RAB12: variants seen among roughly 807,000 people sequenced by gnomAD.
The protein encoded by RAB12 is RAB12, member RAS oncogene family, also known as ras-related protein Rab-12.
Under a neutral mutation model 28.4 loss-of-function variants are expected in RAB12, and 11 were observed. The ratio of observed to expected loss-of-function variants is 0.39; its 90% CI spans 0.24 to 0.64. The LOEUF is 0.64. Among genes scored for constraint, RAB12 ranks in the 30% least tolerant of loss-of-function variants. RAB12 has a pLI of 0.50. For missense variants in RAB12, 276 were observed against 351.1 expected, an observed-to-expected ratio of 0.79 and a Z score of 1.71; for synonymous variants, 138 against 145.3, an observed-to-expected ratio of 0.95 and a Z score of 0.36.
chr18:8,617,486 T>G (rs2096007356), intron 1 of RAB12, among the ~76,000 whole-genome samples: 1 of 151,996 alleles, frequency 6.6e-6, no homozygotes, highest in South Asian at 2.1e-4. Flanking sequence ...CTTTAAATAT[T>G]CTCCTCCTCT....
intron 1 of RAB12, among the ~76,000 whole-genome samples, 199 bp from the exon 2 acceptor site, chr18:8,624,739 A>G (rs1446832097): frequency 6.6e-6 from 1 of 152,262 alleles, no homozygotes; most frequent in Non-Finnish European, 1.5e-5. Context: ...TGACCTTCCC[A>G]GTGTGGACTG....
chr18:8,627,858 T>C (rs1292482925), intron 2 of RAB12, among the ~76,000 whole-genome samples: 1 of 152,180 alleles, frequency 6.6e-6, no homozygotes, highest in Non-Finnish European at 1.5e-5. Context: ...AGAGGGGGAA[T>C]ATTTCATACC....
chr18:8,618,865 A>T (rs748507518), intron 1 of RAB12, among the ~76,000 whole-genome samples: 12 of 152,160 alleles, frequency 7.9e-5, no homozygotes, highest in Admixed American at 2.0e-4. Flanking sequence ...CTTCCCCGGT[A>T]GGTGGTAGAG....
At chr18:8,633,111 A>T in intron 2 of RAB12, 78 bp from the exon 3 acceptor site, 1 of 1,560,000 alleles carries the variant, frequency 6.4e-7, no homozygotes, top group Non-Finnish European at 8.8e-7. Context: ...TGCAGCATAT[A>T]ATCTATGTTT....
Position 8,638,505 on chromosome 18 carries a change from C to A in RAB12, c.*243C>A. On this transcript the variant is annotated 3_prime_UTR_variant, in exon 6 of 6. Transcript: ENST00000649141. ...TGTCTAGTGTACATACACTGGGAAA[C>A]CTAGTACTTCTAATATGAAGAATGG... The A allele has an allele frequency of 2.5e-6, 1 of 398,556 alleles. No individual in the cohort carries two copies. 24.7% of individuals were successfully genotyped at this position (398,556 alleles called of 1,614,324 possible).
intron 1 of RAB12, among the ~76,000 whole-genome samples, chr18:8,616,998 G>C (rs962596119): frequency 1.3e-5 from 2 of 152,182 alleles, no homozygotes; most frequent in African/African-American, 4.8e-5. Flanking sequence ...CTTGTGGAAA[G>C]AGATTTTGGA....
At chr18:8,616,084 T>C (rs2096006531) in intron 1 of RAB12, among the ~76,000 whole-genome samples, 1 of 152,200 alleles carries the variant, frequency 6.6e-6, no homozygotes, top group Non-Finnish European at 1.5e-5. Context: ...AAAACAGCTT[T>C]GTACAGTAGT....
chr18:8,636,457 C>A, intron 5 of RAB12, 100 bp downstream of exon 5: 2 of 740,480 alleles, frequency 2.7e-6, no homozygotes, highest in African/African-American at 1.8e-5. Flanking sequence ...AACCAAAATA[C>A]AGTAGTTGTG....
At chr18:8,613,068 C>G (rs1486999968) in intron 1 of RAB12, among the ~76,000 whole-genome samples, 1 of 152,114 alleles carries the variant, frequency 6.6e-6, no homozygotes, top group African/African-American at 2.4e-5. Flanking sequence ...TATAAATGAG[C>G]AAAATGTTGT....
chr18:8,632,809 C>T (rs321665), intron 2 of RAB12: 147,837 of 228,766 alleles, frequency 0.65, 48,789 homozygotes, highest in African/African-American at 0.79. Context: ...TGTTTGGAAA[C>T]TCTGTATTTT....
At chr18:8,633,110 T>TAATC in intron 2 of RAB12, 79 bp from the exon 3 acceptor site, 1 of 1,558,642 alleles carries the variant, frequency 6.4e-7, no homozygotes, top group East Asian at 2.2e-5. Context: ...CTGCAGCATA[T>TAATC]AATCTATGTT....
Position 8,638,330 on chromosome 18 carries a change from C to A in RAB12, c.*68C>A. 9.1e-7 allele frequency: 1 copy of A among 1,093,542 alleles called. No individual in the cohort carries two copies. Among genetic ancestry groups the A allele is most frequent in the Non-Finnish European group, 1.4e-6 (1 of 721,732 alleles). 67.7% of individuals were successfully genotyped at this position (1,093,542 alleles called of 1,614,324 possible). A position where few individuals can be genotyped will look rare whatever the true frequency, so the allele number is the denominator to read the frequency against. On this transcript the variant is annotated 3_prime_UTR_variant, in exon 6 of 6. Coordinates refer to ENST00000649141, the MANE Select transcript of RAB12 (RefSeq NM_001025300.3). Reference sequence around the variant, plus strand: ...GGAAAAAACGTTCTATTCTGCACTACAATCATTTTGACAATTTCCTTTCGC... The same window carrying A: ...GGAAAAAACGTTCTATTCTGCACTAAAATCATTTTGACAATTTCCTTTCGC...
In RAB12 at chr18:8,639,246, C is replaced by T. The variant is rs2096021069; in HGVS notation, c.*984C>T. The T allele has an allele frequency of 1.6e-5, 2 of 124,514 alleles. No homozygotes were observed. The highest frequency in any genetic ancestry group is 9.3e-5 in the Admixed American group (1 of 10,746). The allele number at this position is 124,514 out of a possible 1,614,324, so 7.7% of individuals were successfully genotyped here. A position where few individuals can be genotyped will look rare whatever the true frequency, so the allele number is the denominator to read the frequency against. On this transcript the variant is annotated 3_prime_UTR_variant, in exon 6 of 6. Coordinates refer to ENST00000649141, the MANE Select transcript of RAB12 (RefSeq NM_001025300.3). ...CTTTGGTATATCTTTTATTAAACTG[C>T]ACTGTTTTGTTTAGTCAAGGTAATT... is the stretch of plus-strand genomic sequence containing the variant.
At chr18:8,634,381 T>C (rs1567897431) in intron 3 of RAB12, among the ~76,000 whole-genome samples, 1 of 147,628 alleles carries the variant, frequency 6.8e-6, no homozygotes, top group African/African-American at 2.5e-5. Flanking sequence ...CCCAGCCTGC[T>C]CTGCACTGGG....
At chr18:8,636,406 G>C (rs912221112) in intron 5 of RAB12, 49 bp downstream of exon 5, 1 of 1,141,992 alleles carries the variant, frequency 8.8e-7, no homozygotes, top group East Asian at 2.5e-5. Context: ...GAAACCTGTT[G>C]TTTCCTTTAT....
At chr18:8,621,442 T>C (rs764946598) in intron 1 of RAB12, among the ~76,000 whole-genome samples, 15 of 152,190 alleles carry the variant, frequency 9.9e-5, no homozygotes, top group Non-Finnish European at 2.2e-4. Flanking sequence ...GTGGTATAGG[T>C]ATAGGATATT....
chr18:8,635,207 T>C (rs962708557), intron 3 of RAB12: 12 of 172,542 alleles, frequency 7.0e-5, no homozygotes, highest in East Asian at 6.3e-4. Flanking sequence ...GTTTGACTTG[T>C]AGGTTTTTCA....
Position 8,609,673 on chromosome 18 carries a change from C to A in RAB12, c.234C>A (p.Arg78=). Residue 78 remains arginine (R), a synonymous_variant, in exon 1 of 6, where the codon CGC becomes CGA. Transcript: ENST00000649141. The stretch of plus-strand genomic sequence containing the variant: ...AGGGGGCGCCGGGGCCCGGGGCGCG[C>A]AGCCGGGGGGCGGGCGGCGGCGGGC... ...EAEGAPGPGA[R]SRGAGGGGRR... is the part of the protein sequence containing the mutation. The A allele has an allele frequency of 2.2e-6, 2 of 911,438 alleles. No individual in the cohort carries two copies. The highest frequency in any genetic ancestry group is 2.6e-6 in the Non-Finnish European group (2 of 765,576). 56.5% of individuals were successfully genotyped at this position (911,438 alleles called of 1,614,324 possible).
intron 1 of RAB12, among the ~76,000 whole-genome samples, chr18:8,614,249 C>G (rs2096005468): frequency 6.6e-6 from 1 of 151,270 alleles, no homozygotes; most frequent in African/African-American, 2.4e-5. Context: ...TTAAGTGTGC[C>G]CCTGTCATTA....
Sources: gnomAD v4.1 joint callset for allele counts (sites outside exome capture counted in the v4.1 genomes callset) on GRCh38, gnomAD v4.1.1 for gene constraint, MANE v1.5 for transcripts, NCBI Gene and HGNC (gene_info 2026-07-23, HGNC 2026-07-21) for gene names.